The following PCDHGA1 variants were observed in gnomAD, a reference collection of about 807,000 sequenced individuals.
The protein encoded by PCDHGA1 is protocadherin gamma subfamily A, 1.
PCDHGA1 carries 32 observed loss-of-function variants against 58.0 expected under a neutral mutation model. The observed-to-expected ratio is 0.55, with a 90% CI of 0.42 to 0.74. The LOEUF (loss-of-function observed/expected upper bound fraction) is 0.74. PCDHGA1 is among the 30% of genes least tolerant of loss of function. The pLI, the probability that PCDHGA1 is intolerant of heterozygous loss-of-function variation, is 0.00. For missense variants in PCDHGA1, 1,205 were observed against 1,182.3 expected, an observed-to-expected ratio of 1.02 and a Z score of -0.28; for synonymous variants, 498 against 501.1, an observed-to-expected ratio of 0.99 and a Z score of 0.08.
rs369044087 is a variant in PCDHGA1 at position 141,389,106 on chromosome 5, C to G, written c.2421+56001C>G. On this transcript the variant is annotated intron_variant, in intron 1 of 3. Coordinates refer to ENST00000517417, the MANE Select transcript of PCDHGA1 (RefSeq NM_018912.3). ...GTATAAATTAGTGACAGATGCTGTTCTAGACCGCGAGCAGAATCCAGAGTA... is the reference window on the plus strand; with the variant it reads ...GTATAAATTAGTGACAGATGCTGTTGTAGACCGCGAGCAGAATCCAGAGTA... 73 of 1,613,908 alleles carry G rather than the reference C, an allele frequency of 4.5e-5. No individual in the cohort carries two copies. The highest frequency in any genetic ancestry group is 1.7e-5 in the Admixed American group (1 of 60,018).
At chr5:141,373,840 A>T in intron 1 of PCDHGA1, 1 of 434,496 alleles carries the variant, frequency 2.3e-6, no homozygotes, top group Non-Finnish European at 4.1e-6. Context: ...TTAAGTTAGG[A>T]CTCTAAGCGT....
At chr5:141,420,311 T>C (rs762191274) in intron 1 of PCDHGA1, 102 of 1,454,698 alleles carry the variant, frequency 7.0e-5, no homozygotes, top group Non-Finnish European at 9.3e-5. Flanking sequence ...CTTTTTATAT[T>C]ACAATATGCC....
At chr5:141,379,309 C>T (rs1297432422) in intron 1 of PCDHGA1, 3 of 152,102 alleles carry the variant, frequency 2.0e-5, no homozygotes, top group Admixed American at 1.3e-4. Context: ...TATACCTAAA[C>T]AAGAGATCTA....
chr5:141,394,263 A>T, intron 1 of PCDHGA1: 1 of 1,613,884 alleles, frequency 6.2e-7, no homozygotes, highest in Non-Finnish European at 8.5e-7. Flanking sequence ...CAGCCAGGAG[A>T]ATGCCCAGGT....
At chr5:141,414,947 T>C (rs1422289231) in intron 1 of PCDHGA1, 1 of 1,614,052 alleles carries the variant, frequency 6.2e-7, no homozygotes, top group Non-Finnish European at 8.5e-7. Context: ...CCCGGCTACC[T>C]GGTGACCAAG....
intron 1 of PCDHGA1, chr5:141,413,232 G>A (rs374674787): frequency 1.1e-4 from 170 of 1,613,834 alleles, no homozygotes; most frequent in Non-Finnish European, 1.4e-4. Context: ...GGCTGGTCCT[G>A]CTCTGCCTTT....
chr5:141,418,864 A>T, intron 1 of PCDHGA1: 1 of 1,614,046 alleles, frequency 6.2e-7, no homozygotes, highest in Non-Finnish European at 8.5e-7. Context: ...AAGTAATTGT[A>T]GAAGTTGTAG....
chr5:141,500,554 C>A (rs2099801320), intron 2 of PCDHGA1, among the ~76,000 whole-genome samples: 1 of 152,212 alleles, frequency 6.6e-6, no homozygotes, highest in Admixed American at 6.5e-5. Context: ...AAGTTGTTCA[C>A]AAACTTGTCA....
Position 141,491,722 on chromosome 5 carries a change from CG to C in PCDHGA1, c.2422-3082del. Reference sequence around the variant, plus strand: ...CCAGGTGAGGGGCTCGGCGCCGCCCCGGGCGACCCCTGGGGGCGGCACTGGA... The same window carrying C: ...CCAGGTGAGGGGCTCGGCGCCGCCCCGGCGACCCCTGGGGGCGGCACTGGA... On this transcript the variant is annotated intron_variant, in intron 1 of 3. Transcript: ENST00000517417. The surrounding 1 kb of genome is among the most constrained non-coding windows in gnomAD (Gnocchi z 6.9). The C allele has an allele frequency of 1.2e-6, 2 of 1,607,004 alleles. No homozygotes were observed. Among genetic ancestry groups the C allele is most frequent in the Non-Finnish European group, 1.7e-6 (2 of 1,177,148 alleles).
intron 1 of PCDHGA1, chr5:141,346,303 T>A (rs1418501785): frequency 6.8e-6 from 11 of 1,613,820 alleles, no homozygotes; most frequent in Non-Finnish European, 8.5e-6. Flanking sequence ...TCCCACGAGG[T>A]CTCCCTCACT....
chr5:141,341,262 G>T lies in PCDHGA1; in HGVS notation c.2421+8157G>T, dbSNP rs771277348. 3.1e-6 allele frequency: 5 copies of T among 1,614,206 alleles called. No homozygotes were observed. In the South Asian group the frequency reaches 5.5e-5, roughly 18 times the overall value. On this transcript the variant is annotated intron_variant, in intron 1 of 3. Coordinates refer to ENST00000517417, the MANE Select transcript of PCDHGA1 (RefSeq NM_018912.3). ...GAGGTCTCCCTCACTGCGGACTCGC[G>T]GAAGAGCCACCTGATTTTCCCCCAG...
rs192747939 is a variant in PCDHGA1 at position 141,487,483 on chromosome 5, T to A, written c.2422-7324T>A. ...TTGTTGATGTGGGAGGCCACTCTCA[T>A]GGCTGTACACCCTTGGCTTCTGCAC... On this transcript the variant is annotated intron_variant, in intron 1 of 3. Transcript: ENST00000517417. This position sits in a 1 kb window ranked among gnomAD's most constrained non-coding sequence, Gnocchi z 5.0. 1 of 1,614,224 alleles carries A rather than the reference T, an allele frequency of 6.2e-7. No individual in the cohort carries two copies. The highest frequency in any genetic ancestry group is 1.1e-5 in the South Asian group (1 of 91,084).
intron 1 of PCDHGA1, chr5:141,392,828 G>T: frequency 6.2e-7 from 1 of 1,604,008 alleles, no homozygotes; most frequent in Non-Finnish European, 8.5e-7. Context: ...CCGCTCCACA[G>T]AGTCGCCCCA....
Position 141,491,754 on chromosome 5 carries a change from C to T in PCDHGA1, c.2422-3053C>T. ...CCCCTGGGGGCGGCACTGGAGAAGC[C>T]GCCCGTCCTCATAAGGGATTGAACT... On this transcript the variant is annotated intron_variant, in intron 1 of 3. Transcript: ENST00000517417. The surrounding 1 kb of genome is among the most constrained non-coding windows in gnomAD (Gnocchi z 6.9). 5.7e-6 allele frequency: 9 copies of T among 1,582,682 alleles called. No individual in the cohort carries two copies. The highest frequency in any genetic ancestry group is 7.7e-6 in the Non-Finnish European group (9 of 1,165,614).
chr5:141,439,618 C>T (rs964445098), intron 1 of PCDHGA1, among the ~76,000 whole-genome samples: 2 of 152,178 alleles, frequency 1.3e-5, no homozygotes, highest in East Asian at 3.8e-4. Context: ...GATAAATGAG[C>T]CAATCCCCAG....
chr5:141,344,740 A>C (rs754590886), intron 1 of PCDHGA1: 2 of 1,613,990 alleles, frequency 1.2e-6, no homozygotes, highest in South Asian at 2.2e-5. Context: ...CTGGATGCAA[A>C]TGACAACCCA....
intron 1 of PCDHGA1, among the ~76,000 whole-genome samples, chr5:141,359,860 AAG>A (rs1033135991): frequency 6.6e-6 from 1 of 152,190 alleles, no homozygotes; most frequent in Non-Finnish European, 1.5e-5. Context: ...TAAATTAAAA[AAG>A]AAAAGAAAAG....
At chr5:141,461,441 T>A (rs959248029) in intron 1 of PCDHGA1, among the ~76,000 whole-genome samples, 7 of 152,194 alleles carry the variant, frequency 4.6e-5, no homozygotes, top group Admixed American at 4.6e-4. Flanking sequence ...TACCTTCTTT[T>A]GAGAAATGGC....
rs762881601 is a variant in PCDHGA1, at chr5:141,392,998, A to ACGGAGTC, written c.2421+59896_2421+59902dup. 1.9e-6 allele frequency: 3 copies of ACGGAGTC among 1,613,876 alleles called. No individual in the cohort carries two copies. In the East Asian group the frequency reaches 6.7e-5, roughly 36 times the overall value. On this transcript the variant is annotated intron_variant, in intron 1 of 3. Transcript: ENST00000517417. ...CTGGACCCCCGGAAGCTGGCGAAGCACGGAGTCCGTATCGTCTCCAGAGGT... is the reference window on the plus strand; with the variant it reads ...CTGGACCCCCGGAAGCTGGCGAAGCACGGAGTCCGGAGTCCGTATCGTCTCCAGAGGT...
Sources: allele counts gnomAD v4.1 joint callset (sites outside exome capture counted in the v4.1 genomes callset), GRCh38; gene constraint gnomAD v4.1.1; non-coding constraint Gnocchi (gnomAD v3.1); transcripts MANE v1.5; gene names NCBI Gene and HGNC (gene_info 2026-07-23, HGNC 2026-07-21).